Variants in ZNF609 observed in about 807,000 individuals in gnomAD.
The protein encoded by ZNF609 is zinc finger protein 609.
ZNF609 carries 11 observed loss-of-function variants against 109.5 expected under a neutral mutation model. That is an observed-to-expected ratio of 0.10 (90% CI 0.06 to 0.17). The LOEUF is 0.17. ZNF609 is among the 10% of genes least tolerant of loss of function. ZNF609 has a pLI of 1.00. For synonymous variants in ZNF609, 646 were observed against 662.0 expected (o/e 0.98, Z 0.37); for missense variants, 1,559 against 1,772.4 (o/e 0.88, Z 2.16).
chr15:64,509,560 G>T (rs955064989), intron 2 of ZNF609, among the ~76,000 whole-genome samples: 3 of 152,198 alleles, frequency 2.0e-5, no homozygotes, highest in Non-Finnish European at 2.9e-5. Flanking sequence ...TAATATTCCA[G>T]CTCCTACTGA....
intron 2 of ZNF609, among the ~76,000 whole-genome samples, chr15:64,580,280 G>T (rs939403348): frequency 6.6e-6 from 1 of 152,194 alleles, no homozygotes; most frequent in Non-Finnish European, 1.5e-5. Context: ...CTTAATTTTA[G>T]TTCAGAGAGA....
At chr15:64,535,578 A>G (rs1159322670) in intron 2 of ZNF609, among the ~76,000 whole-genome samples, 1 of 152,158 alleles carries the variant, frequency 6.6e-6, no homozygotes, top group Non-Finnish European at 1.5e-5. Flanking sequence ...AAAAATGGCT[A>G]TGCACATTTA....
chr15:64,499,297 G>A lies in ZNF609; in HGVS notation c.-123G>A. 3 of 1,293,010 alleles carry A rather than the reference G, an allele frequency of 2.3e-6. No individual in the cohort carries two copies. The highest frequency in any genetic ancestry group is 1.6e-5 in the South Asian group (1 of 64,230). 80.1% of individuals were successfully genotyped at this position (1,293,010 alleles called of 1,614,324 possible). On this transcript the variant is annotated 5_prime_UTR_variant, in exon 2 of 10. It removes an upstream start codon present in the reference 5' UTR. Coordinates refer to ENST00000326648, the MANE Select transcript of ZNF609 (RefSeq NM_015042.2). ...TTTTAAATTTTCTTTTTCCAGCAAT[G>A]ATGTTGTCCACTGGGCATGTACTGA...
At chr15:64,677,377 A>G (rs181302628) in intron 5 of ZNF609, among the ~76,000 whole-genome samples, 151 of 152,284 alleles carry the variant, frequency 9.9e-4, no homozygotes, top group Non-Finnish European at 1.4e-3. Context: ...TATCCATAGC[A>G]GGTGTTTTTT....
chr15:64,474,354 C>T (rs1312668859), intron 1 of ZNF609, among the ~76,000 whole-genome samples: 1 of 152,020 alleles, frequency 6.6e-6, no homozygotes, highest in Non-Finnish European at 1.5e-5. Flanking sequence ...GCTGGGATTA[C>T]AGGCGTACGC....
Position 64,495,540 on chromosome 15 carries a change from G to A in ZNF609, c.-127-3753G>A, listed in dbSNP as rs515677. ...TCCCAAGTAGCTGAGATTATAAGAT[G>A]TACTGTCACACCTGGTTAATTTTCG... On this transcript the variant is annotated intron_variant, in intron 1 of 9. Coordinates refer to ENST00000326648, the MANE Select transcript of ZNF609 (RefSeq NM_015042.2). Among the ~76,000 whole-genome samples the A allele has an allele frequency of 6.7e-3, 1,020 of 151,570 alleles. 16 individuals are homozygous for A. Among genetic ancestry groups the A allele is most frequent in the African/African-American group, 0.023 (940 of 41,308 alleles).
At chr15:64,511,772 T>C (rs909118980) in intron 2 of ZNF609, among the ~76,000 whole-genome samples, 6 of 150,490 alleles carry the variant, frequency 4.0e-5, no homozygotes, top group African/African-American at 1.5e-4. Flanking sequence ...TGGAGTGCAG[T>C]GGCGCGATCT....
At chr15:64,481,569 C>T (rs971701139) in intron 1 of ZNF609, among the ~76,000 whole-genome samples, 1 of 151,868 alleles carries the variant, frequency 6.6e-6, no homozygotes, top group African/African-American at 2.4e-5. Flanking sequence ...ATCCGCCTGC[C>T]TCGGCCTCCC....
chr15:64,620,039 G>A (rs1450683730), intron 2 of ZNF609, among the ~76,000 whole-genome samples: 3 of 152,136 alleles, frequency 2.0e-5, no homozygotes, highest in Non-Finnish European at 4.4e-5. Flanking sequence ...TCTCCCTGGG[G>A]TAAACTTCCT....
chr15:64,607,823 CTTTCTTTCTTTCTTTCTTTCT>C (rs1386039289), intron 2 of ZNF609, among the ~76,000 whole-genome samples: 16 of 8,890 alleles, frequency 1.8e-3, no homozygotes, highest in African/African-American at 3.3e-3. Context: ...TTTCTTCTTT[CTTTCTTTCTTTCTTTCTTTCT>C]TTCTTTCTTT....
intron 3 of ZNF609, among the ~76,000 whole-genome samples, chr15:64,664,619 T>G (rs1157282590): frequency 6.6e-6 from 1 of 152,222 alleles, no homozygotes; most frequent in East Asian, 1.9e-4. Flanking sequence ...TTGCTGCTTT[T>G]CTTTCCTGTC....
At position 64,500,062 on chromosome 15, in the gene ZNF609, A is replaced by G. The variant is rs147563326; in HGVS notation, c.643A>G (p.Ile215Val). ...AGGAGCTGTGGAGCCACTTGGGAGT[A>G]TAGCTATTGAGCCTGGGGCAGCGCT... is the stretch of plus-strand genomic sequence containing the variant. ...DTGAVEPLGS[I>V]AIEPGAALNP... Residue 215 changes from isoleucine (I) to valine (V), a missense_variant, in exon 2 of 10, where the codon ATA becomes GTA. Ile to Val is a conservative substitution (Grantham distance 29). Around this residue, in one of 4 missense-constraint regions of ZNF609, gnomAD observed 291 missense variants for 317.8 expected, o/e 0.92. Transcript: ENST00000326648. 9 of 1,614,046 alleles carry G rather than the reference A, an allele frequency of 5.6e-6. No homozygotes were observed. In the African/African-American group the frequency reaches 1.1e-4, roughly 19 times the overall value.
intron 2 of ZNF609, among the ~76,000 whole-genome samples, chr15:64,554,123 T>C (rs1595716442): frequency 6.6e-6 from 1 of 152,310 alleles, no homozygotes; most frequent in East Asian, 1.9e-4. Flanking sequence ...TCCATAGAAG[T>C]GCTAAGAGTA....
intron 2 of ZNF609, chr15:64,528,867 G>T: frequency 2.2e-6 from 2 of 929,088 alleles, no homozygotes; most frequent in Admixed American, 1.8e-5. Context: ...ATGCTCTTGA[G>T]GGGGCCCTCC....
At chr15:64,637,632 G>A (rs908824631) in intron 3 of ZNF609, among the ~76,000 whole-genome samples, 1 of 152,086 alleles carries the variant, frequency 6.6e-6, no homozygotes, top group Non-Finnish European at 1.5e-5. Context: ...TCCCTGGTGA[G>A]TAATGAAATT....
chr15:64,615,750 G>T (rs939602189), intron 2 of ZNF609, among the ~76,000 whole-genome samples: 2 of 152,186 alleles, frequency 1.3e-5, no homozygotes, highest in Admixed American at 1.3e-4. Flanking sequence ...GCCTCTTAAA[G>T]TGCTGGGATT....
In ZNF609 at chr15:64,643,212, T is replaced by C. The variant is rs116895981; in HGVS notation, c.973+20160T>C. ...CCTCACAGGCATCCTCTTGCAACTC[T>C]CCCTCAGCTCTCAGTCCTACCAATT... On this transcript the variant is annotated intron_variant, in intron 3 of 9. Transcript: ENST00000326648. Among the ~76,000 whole-genome samples, 33 of 152,284 alleles carry C rather than the reference T, an allele frequency of 2.2e-4. No individual in the cohort carries two copies. In the East Asian group the frequency reaches 6.2e-3, roughly 29 times the overall value.
intron 1 of ZNF609, among the ~76,000 whole-genome samples, chr15:64,485,094 A>G (rs1001871740): frequency 1.6e-4 from 24 of 152,222 alleles, no homozygotes; most frequent in African/African-American, 5.1e-4. Context: ...AAACAAAGAT[A>G]AAAATAAACT....
chr15:64,638,158 A>G (rs1896204702), intron 3 of ZNF609, among the ~76,000 whole-genome samples: 1 of 151,514 alleles, frequency 6.6e-6, no homozygotes, highest in Non-Finnish European at 1.5e-5. Flanking sequence ...CACCTTATCA[A>G]AAAGACCATC....
Sources: gnomAD v4.1 joint callset for allele counts (sites outside exome capture counted in the v4.1 genomes callset) on GRCh38, gnomAD v4.1.1 for gene constraint, gnomAD v4.1.1 regional missense constraint, MANE v1.5 for transcripts, NCBI Gene and HGNC (gene_info 2026-07-23, HGNC 2026-07-21) for gene names.